DNM3: variants seen among roughly 807,000 people sequenced by gnomAD.
The protein encoded by DNM3 is dynamin-3.
A neutral mutation model predicts 101.6 loss-of-function variants in DNM3; 47 were observed. That is an observed-to-expected ratio of 0.46 (90% CI 0.37 to 0.59). The LOEUF (loss-of-function observed/expected upper bound fraction) is 0.59. DNM3 is among the 20% of genes least tolerant of loss of function. The pLI is 0.00. For missense variants in DNM3, 849 were observed against 1,085.7 expected (o/e 0.78, Z 3.06); for synonymous variants, 385 against 387.9 (o/e 0.99, Z 0.09).
rs1042295689 is a variant in DNM3 at position 172,033,111 on chromosome 1, T to C, written c.695T>C (p.Val232Ala). The change falls in exon 6 of 21, where the codon GTG (valine) becomes GCG (alanine). Residue 232 changes from valine (V) to alanine (A), a missense_variant. This residue lies in a region of DNM3 where 388 missense variants were observed against 483.0 expected (regional missense o/e 0.80). Coordinates refer to ENST00000627582, the MANE Select transcript of DNM3 (RefSeq NM_015569.5). ...GATTTGTGTTTTGTTTCAGGTTACGTGGGGGTGGTAAACAGAAGCCAGAAG... is the reference window on the plus strand; with the variant it reads ...GATTTGTGTTTTGTTTCAGGTTACGCGGGGGTGGTAAACAGAAGCCAGAAG... ...NKLLPLRRGYVGVVNRSQKDI... is the reference protein window; with the variant it reads ...NKLLPLRRGYAGVVNRSQKDI... 6.2e-7 allele frequency: 1 copy of C among 1,611,846 alleles called. No individual in the cohort carries two copies. The highest frequency in any genetic ancestry group is 1.3e-5 in the African/African-American group (1 of 74,956).
intron 1 of DNM3, among the ~76,000 whole-genome samples, chr1:171,868,933 G>A (rs759541939): frequency 6.6e-6 from 1 of 152,044 alleles, no homozygotes; most frequent in Non-Finnish European, 1.5e-5. Context: ...ACAGGCATGC[G>A]CCACCACACC....
chr1:171,875,416 A>C (rs2125102279), intron 1 of DNM3, among the ~76,000 whole-genome samples: 1 of 152,138 alleles, frequency 6.6e-6, no homozygotes, highest in South Asian at 2.1e-4. Context: ...ATTTCATTGA[A>C]CTCATTGTGC....
intron 4 of DNM3, among the ~76,000 whole-genome samples, chr1:172,008,113 T>C (rs929103552): frequency 1.0e-4 from 15 of 148,882 alleles, no homozygotes; most frequent in Admixed American, 1.3e-4. Flanking sequence ...TACCATCTTG[T>C]CAGATGCACA....
At chr1:172,375,020 T>C (rs1270169450) in intron 17 of DNM3, among the ~76,000 whole-genome samples, 1 of 152,096 alleles carries the variant, frequency 6.6e-6, no homozygotes, top group Non-Finnish European at 1.5e-5. Context: ...CAGTTACAAG[T>C]TTTTAGGTGA....
At chr1:172,196,729 CT>C (rs2059963270) in intron 14 of DNM3, among the ~76,000 whole-genome samples, 1 of 151,934 alleles carries the variant, frequency 6.6e-6, no homozygotes, top group Non-Finnish European at 1.5e-5. Context: ...TGTTTATGTC[CT>C]TTGTCCACTT....
intron 1 of DNM3, among the ~76,000 whole-genome samples, chr1:171,850,772 T>G (rs1169298183): frequency 1.3e-5 from 2 of 151,942 alleles, no homozygotes; most frequent in Non-Finnish European, 2.9e-5. Flanking sequence ...GCTTTGTTTT[T>G]TTTTTTTTTT....
At chr1:172,380,203 G>A (rs1322780540) in intron 18 of DNM3, among the ~76,000 whole-genome samples, 1 of 152,000 alleles carries the variant, frequency 6.6e-6, no homozygotes, top group African/African-American at 2.4e-5. Context: ...ACTAATTGTA[G>A]TAAGTGTATC....
intron 6 of DNM3, among the ~76,000 whole-genome samples, chr1:172,036,662 T>C (rs2048988556): frequency 6.6e-6 from 1 of 152,224 alleles, no homozygotes; most frequent in East Asian, 1.9e-4. Context: ...GATTAAAGAC[T>C]TAAACGTTAG....
intron 4 of DNM3, among the ~76,000 whole-genome samples, chr1:172,008,315 G>A (rs1256346947): frequency 6.6e-6 from 1 of 151,712 alleles, no homozygotes; most frequent in Non-Finnish European, 1.5e-5. Flanking sequence ...TGTTTTCTTC[G>A]AGTAGTTTTT....
intron 14 of DNM3, among the ~76,000 whole-genome samples, chr1:172,225,713 A>C (rs2061090724): frequency 6.6e-6 from 1 of 152,072 alleles, no homozygotes; most frequent in Non-Finnish European, 1.5e-5. Context: ...GTGATTGTCC[A>C]CTGCACTTCA....
Position 172,409,339 on chromosome 1 carries a change from G to A in DNM3, c.*1498G>A. 1.0e-6 allele frequency: 1 copy of A among 985,186 alleles called. No homozygotes were observed. Among genetic ancestry groups the A allele is most frequent in the Non-Finnish European group, 1.2e-6 (1 of 829,750 alleles). 61.0% of individuals were successfully genotyped at this position (985,186 alleles called of 1,614,324 possible). ...TAACTTAACTTTAATTTCCTGTGTA[G>A]TTTACACCCAGAGCAGATACTCATA... On this transcript the variant is annotated 3_prime_UTR_variant, in exon 21 of 21. Transcript: ENST00000627582.
intron 14 of DNM3, among the ~76,000 whole-genome samples, chr1:172,248,699 T>G (rs2062052187): frequency 6.6e-6 from 1 of 152,144 alleles, no homozygotes; most frequent in Non-Finnish European, 1.5e-5. Flanking sequence ...GTCTAGACTT[T>G]GTAAAGATTT....
chr1:172,025,587 C>T (rs1009721545), intron 4 of DNM3, among the ~76,000 whole-genome samples: 2 of 152,244 alleles, frequency 1.3e-5, no homozygotes, highest in South Asian at 2.1e-4. Context: ...CCCTCTGGGA[C>T]GAAACTTCCA....
At chr1:172,185,324 T>C (rs938613570) in intron 14 of DNM3, among the ~76,000 whole-genome samples, 4 of 152,106 alleles carry the variant, frequency 2.6e-5, no homozygotes, top group African/African-American at 9.7e-5. Flanking sequence ...ATTCTCTCAC[T>C]GGGGAGTAGA....
rs1363729604 is a variant in DNM3, at chr1:172,411,388, C to A, written c.*3547C>A. 5.1e-6 allele frequency: 5 copies of A among 984,894 alleles called. No homozygotes were observed. Among genetic ancestry groups the A allele is most frequent in the Non-Finnish European group, 6.0e-6 (5 of 829,692 alleles). 61.0% of individuals were successfully genotyped at this position (984,894 alleles called of 1,614,324 possible). A position where few individuals can be genotyped will look rare whatever the true frequency, so the allele number is the denominator to read the frequency against. ...AAGATCTGAATCTAAGAAGGAATTA[C>A]CTTTGACAATATTTTTCGGTAAGAA... On this transcript the variant is annotated 3_prime_UTR_variant, in exon 21 of 21. Coordinates refer to ENST00000627582, the MANE Select transcript of DNM3 (RefSeq NM_015569.5).
At chr1:172,287,464 C>G (rs1287110525) in intron 15 of DNM3, among the ~76,000 whole-genome samples, 6 of 152,210 alleles carry the variant, frequency 3.9e-5, no homozygotes, top group African/African-American at 1.4e-4. Context: ...CTAGTGGTGA[C>G]TCAGCTGACT....
intron 2 of DNM3, among the ~76,000 whole-genome samples, chr1:171,959,317 A>G (rs2043058893): frequency 6.6e-6 from 1 of 152,162 alleles, no homozygotes; most frequent in African/African-American, 2.4e-5. Context: ...TATATTAAAA[A>G]GATAATAAGG....
At chr1:171,963,571 C>G (rs2043357430) in intron 2 of DNM3, among the ~76,000 whole-genome samples, 1 of 152,074 alleles carries the variant, frequency 6.6e-6, no homozygotes, top group Non-Finnish European at 1.5e-5. Context: ...AAATGTCCCA[C>G]TCTGGTGATG....
chr1:171,996,858 G>A (rs546519574), intron 4 of DNM3, among the ~76,000 whole-genome samples: 3 of 151,920 alleles, frequency 2.0e-5, no homozygotes, highest in East Asian at 1.9e-4. Context: ...GTGAAACCCC[G>A]TCTGTTCAAA....
Sources: allele counts gnomAD v4.1 joint callset (sites outside exome capture counted in the v4.1 genomes callset), GRCh38; gene constraint gnomAD v4.1.1; regional missense constraint gnomAD v4.1.1; transcripts MANE v1.5; gene names NCBI Gene and HGNC (gene_info 2026-07-23, HGNC 2026-07-21).